The following STS variants were observed in gnomAD, a reference collection of about 807,000 sequenced individuals.
The protein encoded by STS is steroid sulfatase.
A neutral mutation model predicts 26.8 loss-of-function variants in STS; 7 were observed. The observed-to-expected ratio is 0.26, with a 90% confidence interval of 0.15 to 0.49. STS has a LOEUF of 0.49. Among genes scored for constraint, STS ranks in the 20% least tolerant of loss-of-function variants. The pLI is 0.98. For synonymous variants in STS, 199 were observed against 189.4 expected (o/e 1.05, Z -0.42); for missense variants, 434 against 465.6 (o/e 0.93, Z 0.63).
chrX:7,275,928 CCT>C, intron 6 of STS, 21 bp from the exon 7 acceptor site: 1 of 1,104,164 alleles, frequency 9.1e-7, no homozygotes, highest in Non-Finnish European at 1.2e-6. Flanking sequence ...TTTTTTCCTC[CCT>C]TTTTTTTTTT....
intron 2 of STS, among the ~76,000 whole-genome samples, chrX:7,238,934 G>C (rs60409029): frequency 9.0e-6 from 1 of 111,238 alleles, no homozygotes; most frequent in East Asian, 2.8e-4. Flanking sequence ...GAAGACTTCA[G>C]TGTAAAGACT....
chrX:7,203,689 C>G (rs1410034401), intron 2 of STS, among the ~76,000 whole-genome samples: 2 of 111,222 alleles, frequency 1.8e-5, no homozygotes, highest in Non-Finnish European at 3.8e-5. Flanking sequence ...AAACTAATCC[C>G]AAATAAAATT....
At chrX:7,180,350 A>G (rs1480531700) in intron 1 of STS, among the ~76,000 whole-genome samples, 1 of 112,044 alleles carries the variant, frequency 8.9e-6, no homozygotes, top group African/African-American at 3.2e-5. Context: ...CCTCACATGC[A>G]CAGTTCAAAA....
At chrX:7,290,599 G>A (rs192390896) in intron 7 of STS, among the ~76,000 whole-genome samples, 17 of 111,837 alleles carry the variant, frequency 1.5e-4, no homozygotes, top group African/African-American at 4.5e-4. Flanking sequence ...ATATGGTTCC[G>A]CCCCACACAG....
At chrX:7,280,441 G>A (rs1021140262) in intron 7 of STS, among the ~76,000 whole-genome samples, 2 of 111,933 alleles carry the variant, frequency 1.8e-5, no homozygotes, top group African/African-American at 6.5e-5. Flanking sequence ...GGCAATCATG[G>A]TGCTATTGCA....
chrX:7,247,993 A>G (rs1471875630), intron 2 of STS, among the ~76,000 whole-genome samples: 2 of 111,880 alleles, frequency 1.8e-5, no homozygotes, highest in African/African-American at 3.3e-5. Flanking sequence ...TCGCAGGGCC[A>G]TGGGGGAGAA....
intron 2 of STS, among the ~76,000 whole-genome samples, chrX:7,234,919 T>C (rs955590231): frequency 1.8e-5 from 2 of 111,696 alleles, no homozygotes; most frequent in Non-Finnish European, 3.8e-5. Context: ...TTCTCAACCT[T>C]TTCTTCAAAT....
At chrX:7,342,875 G>A (rs1436117902) in intron 10 of STS, among the ~76,000 whole-genome samples, 1 of 111,601 alleles carries the variant, frequency 9.0e-6, no homozygotes, top group Non-Finnish European at 1.9e-5. Context: ...GCATTAGTGT[G>A]GGGTATCTGG....
intron 1 of STS, among the ~76,000 whole-genome samples, chrX:7,185,866 T>C (rs768096940): frequency 2.1e-4 from 24 of 112,370 alleles, no homozygotes; most frequent in Non-Finnish European, 4.1e-4. Flanking sequence ...TGTTGGCTTT[T>C]TCCAGTCACT....
At chrX:7,178,614 C>G (rs766522091) in intron 1 of STS, among the ~76,000 whole-genome samples, 4 of 112,194 alleles carry the variant, frequency 3.6e-5, no homozygotes, top group Non-Finnish European at 7.5e-5. Flanking sequence ...TCTAAATGCC[C>G]TCAAGTAAAA....
chrX:7,207,858 A>G (rs1920961580), intron 2 of STS, among the ~76,000 whole-genome samples: 1 of 112,057 alleles, frequency 8.9e-6, no homozygotes. Context: ...GGGTACACAT[A>G]CCTTTTTAAT....
chrX:7,155,526 T>C (rs1933115050), intron 1 of STS, among the ~76,000 whole-genome samples: 1 of 112,426 alleles, frequency 8.9e-6, no homozygotes, highest in Non-Finnish European at 1.9e-5. Flanking sequence ...CATGCATATG[T>C]TATATAATCT....
chrX:7,298,654 G>A (rs1478885577), intron 7 of STS, among the ~76,000 whole-genome samples: 6 of 110,972 alleles, frequency 5.4e-5, no homozygotes, highest in Admixed American at 2.0e-4. Flanking sequence ...CCACATCCCT[G>A]AAGTAACACC....
intron 7 of STS, among the ~76,000 whole-genome samples, chrX:7,285,062 G>A (rs1309061834): frequency 9.0e-6 from 1 of 110,712 alleles, no homozygotes; most frequent in African/African-American, 3.3e-5. Context: ...AGTGATGATG[G>A]TGGTGAAGAT....
intron 2 of STS, among the ~76,000 whole-genome samples, chrX:7,244,899 T>G: frequency 8.9e-6 from 1 of 111,799 alleles, no homozygotes; most frequent in East Asian, 2.8e-4. Context: ...GAGAAATTGG[T>G]TAAGAAGTAG....
intron 2 of STS, among the ~76,000 whole-genome samples, chrX:7,240,533 G>GTGTGTGTGTA (rs1373072915): frequency 1.5e-4 from 9 of 60,542 alleles, no homozygotes; most frequent in African/African-American, 5.9e-4. Context: ...GTGTGTGTGT[G>GTGTGTGTGTA]TATATATATA....
At chrX:7,327,171 AG>A (rs1335633400) in intron 9 of STS, among the ~76,000 whole-genome samples, 1 of 111,038 alleles carries the variant, frequency 9.0e-6, no homozygotes, top group Non-Finnish European at 1.9e-5. Flanking sequence ...TGTGGCCACA[AG>A]GAATGTCCAT....
intron 9 of STS, among the ~76,000 whole-genome samples, chrX:7,332,260 G>C (rs1927790483): frequency 9.2e-6 from 1 of 108,946 alleles, no homozygotes; most frequent in African/African-American, 3.4e-5. Context: ...GAGCCCAGGA[G>C]GTCAAGGCTG....
At chrX:7,221,409 C>A (rs1921562740) in intron 2 of STS, among the ~76,000 whole-genome samples, 2 of 112,562 alleles carry the variant, frequency 1.8e-5, no homozygotes, top group Middle Eastern at 9.2e-3. Flanking sequence ...CGGTACAAAG[C>A]TTTAATCAGC....
Sources: allele counts gnomAD v4.1 joint callset (sites outside exome capture counted in the v4.1 genomes callset), GRCh38; gene constraint gnomAD v4.1.1; transcripts MANE v1.5; gene names NCBI Gene and HGNC (gene_info 2026-07-23, HGNC 2026-07-21).